Variants in VIT observed in about 807,000 individuals in gnomAD.
VIT encodes vitrin.
Under a neutral mutation model 78.0 loss-of-function variants are expected in VIT, and 99 were observed. The observed-to-expected ratio is 1.27, with a 90% CI of 1.08 to 1.50. The LOEUF (loss-of-function observed/expected upper bound fraction) is 1.50, where lower values mean the gene tolerates loss of function less well. VIT is among the 40% of genes most tolerant of loss of function. The pLI, the probability that VIT is intolerant of heterozygous loss-of-function variation, is 0.00. For missense variants in VIT, 1,126 were observed against 875.3 expected (o/e 1.29, Z -3.61); for synonymous variants, 374 against 334.3 (o/e 1.12, Z -1.29).
At chr2:36,705,544 C>A (rs1665363319) in intron 1 of VIT, among the ~76,000 whole-genome samples, 1 of 152,112 alleles carries the variant, frequency 6.6e-6, no homozygotes, top group African/African-American at 2.4e-5. Context: ...TAGAAACATG[C>A]CACATGGATC....
intron 3 of VIT, among the ~76,000 whole-genome samples, chr2:36,732,235 GA>G (rs1448420234): frequency 6.6e-6 from 1 of 152,210 alleles, no homozygotes; most frequent in East Asian, 1.9e-4. Flanking sequence ...CAGTGACTAT[GA>G]AAGTCTGTGC....
At position 36,697,295 on chromosome 2, in the gene VIT, G is replaced by A. The variant is rs1664737442; in HGVS notation, c.-19+322G>A. Among the ~76,000 whole-genome samples the A allele has an allele frequency of 3.3e-5, 5 of 152,172 alleles. No homozygotes were observed. The South Asian group carries it at 1.0e-3, about 31-fold the overall frequency. On this transcript the variant is annotated intron_variant, in intron 1 of 15. Coordinates refer to ENST00000379242, the MANE Select transcript of VIT (RefSeq NM_053276.4). ...TGTGTAGAATTTTAAAGTAATTTAA[G>A]TCTCTATTATCTTGCTTTTTTAAAA... is the stretch of plus-strand genomic sequence containing the variant.
intron 2 of VIT, among the ~76,000 whole-genome samples, chr2:36,724,536 G>A (rs963312203): frequency 2.6e-5 from 4 of 152,200 alleles, no homozygotes; most frequent in Admixed American, 6.5e-5. Flanking sequence ...GAGGGGGATT[G>A]CTGGGGAGGA....
At chr2:36,724,514 C>A (rs1399650957) in intron 2 of VIT, among the ~76,000 whole-genome samples, 1 of 152,136 alleles carries the variant, frequency 6.6e-6, no homozygotes, top group Non-Finnish European at 1.5e-5. Flanking sequence ...TTTACCATTT[C>A]CAGTGTAGCA....
At chr2:36,699,584 T>TTATATATATAGATATAGATATAGA (rs60414565) in intron 1 of VIT, among the ~76,000 whole-genome samples, 14 of 83,560 alleles carry the variant, frequency 1.7e-4, no homozygotes, top group African/African-American at 5.2e-4. Flanking sequence ...TTAGAGGAGA[T>TTATATATATAGATATAGATATAGA]TATAGATATA....
At chr2:36,734,290 T>C (rs1488687294) in intron 3 of VIT, among the ~76,000 whole-genome samples, 1 of 152,210 alleles carries the variant, frequency 6.6e-6, no homozygotes, top group Non-Finnish European at 1.5e-5. Context: ...TTAGAAGCTC[T>C]CAGTTTTCAC....
intron 7 of VIT, among the ~76,000 whole-genome samples, chr2:36,768,939 G>A (rs924827679): frequency 2.0e-5 from 3 of 152,132 alleles, no homozygotes; most frequent in Non-Finnish European, 2.9e-5. Context: ...CTTTGAAGAA[G>A]CTATGATATA....
At chr2:36,713,289 G>T (rs1665918461) in intron 1 of VIT, among the ~76,000 whole-genome samples, 1 of 152,182 alleles carries the variant, frequency 6.6e-6, no homozygotes, top group South Asian at 2.1e-4. Context: ...CAGAGGAAAA[G>T]GTAGTACAAC....
intron 5 of VIT, among the ~76,000 whole-genome samples, chr2:36,755,930 C>T (rs1217067866): frequency 2.0e-5 from 3 of 147,842 alleles, no homozygotes; most frequent in African/African-American, 5.0e-5. Context: ...GACATGTTCA[C>T]GGTAGTGCTT....
At chr2:36,701,486 T>C (rs1312070279) in intron 1 of VIT, among the ~76,000 whole-genome samples, 2 of 152,246 alleles carry the variant, frequency 1.3e-5, no homozygotes, top group Non-Finnish European at 2.9e-5. Context: ...CTAGTAAACA[T>C]TTCTCAAATT....
intron 9 of VIT, among the ~76,000 whole-genome samples, chr2:36,779,813 G>C (rs1235570247): frequency 3.3e-5 from 5 of 152,186 alleles, no homozygotes; most frequent in Non-Finnish European, 7.3e-5. Flanking sequence ...GGTTTTCTAA[G>C]AGTGACTTAC....
At chr2:36,791,950 G>A (rs1217912666) in intron 12 of VIT, among the ~76,000 whole-genome samples, 1 of 152,166 alleles carries the variant, frequency 6.6e-6, no homozygotes, top group African/African-American at 2.4e-5. Flanking sequence ...AAAAAAGGGA[G>A]TGGGAGGGGC....
At chr2:36,814,161 C>T in intron 15 of VIT, 22 bp from the exon 16 acceptor site, 1 of 1,609,402 alleles carries the variant, frequency 6.2e-7, no homozygotes, top group Non-Finnish European at 8.5e-7. Flanking sequence ...GACATTTGTT[C>T]ATCTAACCTT....
intron 8 of VIT, among the ~76,000 whole-genome samples, chr2:36,774,111 G>A (rs770380746): frequency 1.4e-4 from 22 of 152,068 alleles, no homozygotes; most frequent in African/African-American, 4.8e-4. Context: ...TTCAGTAACC[G>A]GGCTCTTACA....
chr2:36,709,075 G>A (rs538479852), intron 1 of VIT, among the ~76,000 whole-genome samples: 14 of 152,278 alleles, frequency 9.2e-5, no homozygotes, highest in South Asian at 4.1e-4. Flanking sequence ...GCTTGAACCC[G>A]AGAGGTGGAG....
At chr2:36,791,974 G>A (rs984064737) in intron 12 of VIT, among the ~76,000 whole-genome samples, 1 of 152,092 alleles carries the variant, frequency 6.6e-6, no homozygotes, top group Non-Finnish European at 1.5e-5. Context: ...GGCATGAAAT[G>A]CAGCTGGGAT....
At chr2:36,764,547 G>A (rs1451548252) in intron 6 of VIT, among the ~76,000 whole-genome samples, 1 of 152,232 alleles carries the variant, frequency 6.6e-6, no homozygotes, top group South Asian at 2.1e-4. Flanking sequence ...GAGCTCTTTA[G>A]TGATTTGTCT....
chr2:36,725,809 C>T (rs953577448), intron 2 of VIT, among the ~76,000 whole-genome samples: 6 of 152,272 alleles, frequency 3.9e-5, no homozygotes, highest in Admixed American at 2.6e-4. Context: ...CAGTGGCTCA[C>T]GCCTGTAATC....
chr2:36,711,679 C>G (rs72613869), intron 1 of VIT, among the ~76,000 whole-genome samples: 17,107 of 152,220 alleles, frequency 0.11, 1,405 homozygotes, highest in East Asian at 0.25. Context: ...AGAAACTGAA[C>G]AGTGAACAAA....
Sources: gnomAD v4.1 joint callset for allele counts (sites outside exome capture counted in the v4.1 genomes callset) on GRCh38, gnomAD v4.1.1 for gene constraint, MANE v1.5 for transcripts, NCBI Gene and HGNC (gene_info 2026-07-23, HGNC 2026-07-21) for gene names.